MAST4: variants seen among roughly 807,000 people sequenced by gnomAD.
The protein encoded by MAST4 is microtubule associated serine/threonine kinase family member 4.
MAST4 carries 89 observed loss-of-function variants against 162.7 expected under a neutral mutation model. That is an observed-to-expected ratio of 0.55 (90% CI 0.46 to 0.65). The LOEUF is 0.65. MAST4 is among the 30% of genes least tolerant of loss of function. The pLI is 0.00. For missense variants in MAST4, 3,153 were observed against 3,374.0 expected (o/e 0.93, Z 1.62); for synonymous variants, 1,479 against 1,361.1 (o/e 1.09, Z -1.91).
At chr5:67,118,182 A>C (rs989828206) in intron 12 of MAST4, among the ~76,000 whole-genome samples, 1 of 152,192 alleles carries the variant, frequency 6.6e-6, no homozygotes. Flanking sequence ...AACCACCATT[A>C]TTACTTCCTC....
intron 5 of MAST4, among the ~76,000 whole-genome samples, chr5:67,070,529 A>G (rs1287044219): frequency 6.6e-6 from 1 of 152,190 alleles, no homozygotes; most frequent in Non-Finnish European, 1.5e-5. Context: ...GCTGACCTTT[A>G]TTTACTTCAG....
chr5:67,155,195 A>G lies in MAST4; in HGVS notation c.3648+1615A>G, dbSNP rs184242584. ...GGTCTTGTTTACCTTCACAACTTCA[A>G]AGTGAACCTGCTATGGGAGCACTAT... On this transcript the variant is annotated intron_variant, in intron 26 of 28. Coordinates refer to ENST00000403625, the MANE Select transcript of MAST4 (RefSeq NM_001164664.2). 1.4e-4 allele frequency among the ~76,000 whole-genome samples: 22 copies of G among 152,324 alleles called. No individual in the cohort carries two copies. In the East Asian group the frequency reaches 4.2e-3, roughly 29 times the overall value.
chr5:66,767,823 C>CT (rs1444393520), intron 2 of MAST4, among the ~76,000 whole-genome samples: 4 of 152,106 alleles, frequency 2.6e-5, no homozygotes, highest in African/African-American at 9.7e-5. Context: ...CCAGTCTTGT[C>CT]TTTTAATGTT....
chr5:66,936,665 T>A (rs898934713), intron 4 of MAST4, among the ~76,000 whole-genome samples: 1 of 152,192 alleles, frequency 6.6e-6, no homozygotes, highest in African/African-American at 2.4e-5. Flanking sequence ...TCTGGATGTG[T>A]ACATGCAGGT....
At chr5:66,741,289 C>T (rs1235691930) in intron 1 of MAST4, among the ~76,000 whole-genome samples, 1 of 152,208 alleles carries the variant, frequency 6.6e-6, no homozygotes, top group Non-Finnish European at 1.5e-5. Context: ...TCTTCACAGA[C>T]CTTATTACCA....
At chr5:66,820,021 T>A (rs1270283416) in intron 3 of MAST4, among the ~76,000 whole-genome samples, 1 of 151,108 alleles carries the variant, frequency 6.6e-6, no homozygotes, top group Non-Finnish European at 1.5e-5. Context: ...TTACAAACTA[T>A]GTTGCCCAGG....
In MAST4 at chr5:66,785,897, C is replaced by G. The variant is rs192279571; in HGVS notation, c.518-2773C>G. On this transcript the variant is annotated intron_variant, in intron 2 of 28. Coordinates refer to ENST00000403625, the MANE Select transcript of MAST4 (RefSeq NM_001164664.2). ...ATTATTTTATTTCTTGAGATAGTGT[C>G]TCACTCTGTCACCCAGGCTGGAGTG... 4.2e-3 allele frequency among the ~76,000 whole-genome samples: 639 copies of G among 152,254 alleles called. 2 individuals carry two copies. Among genetic ancestry groups the G allele is most frequent in the South Asian group, 0.013 (61 of 4,810 alleles).
chr5:66,819,554 C>T (rs1756891013), intron 3 of MAST4, among the ~76,000 whole-genome samples: 1 of 152,126 alleles, frequency 6.6e-6, no homozygotes. Context: ...AGAAAGAATG[C>T]TTGATTAATT....
chr5:67,041,893 G>A (rs1387937558), intron 4 of MAST4, among the ~76,000 whole-genome samples: 2 of 152,194 alleles, frequency 1.3e-5, no homozygotes, highest in African/African-American at 4.8e-5. Context: ...CTCCCAAAGT[G>A]CTGGGATTAC....
chr5:66,608,473 A>T (rs778030877), intron 1 of MAST4, among the ~76,000 whole-genome samples: 3 of 147,018 alleles, frequency 2.0e-5, no homozygotes, highest in Non-Finnish European at 4.4e-5. Flanking sequence ...CTTTCAGATA[A>T]TGCTTACATA....
chr5:67,149,589 G>A lies in MAST4; in HGVS notation c.3295G>A (p.Asp1099Asn), dbSNP rs1220647616. The A allele has an allele frequency of 6.2e-7, 1 of 1,613,280 alleles. No homozygotes were observed. Among genetic ancestry groups the A allele is most frequent in the South Asian group, 1.1e-5 (1 of 90,798 alleles). The part of the protein sequence containing the change: ...ASALSLMIPG[D>N]MFAVSPLGSP... Reference sequence around the variant, plus strand: ...TGCTCTTTCCCTCATGATCCCAGGAGGTAGAGAGATACTACTTGCATGAAA... The same window carrying A: ...TGCTCTTTCCCTCATGATCCCAGGAAGTAGAGAGATACTACTTGCATGAAA... Residue 1099 changes from aspartate (D) to asparagine (N), a missense_variant and splice_region_variant, in exon 24 of 29, where the codon GAT becomes AAT. Asp to Asn is a conservative substitution (Grantham distance 23). Around this residue, in one of 7 missense-constraint regions of MAST4, gnomAD observed 619 missense variants for 744.2 expected, o/e 0.83. Transcript: ENST00000403625.
At chr5:66,943,890 T>C (rs1490383275) in intron 4 of MAST4, among the ~76,000 whole-genome samples, 1 of 152,110 alleles carries the variant, frequency 6.6e-6, no homozygotes, top group African/African-American at 2.4e-5. Context: ...CAAGGTGTGT[T>C]TTGTATTCAC....
At chr5:66,894,861 G>A (rs1390835493) in intron 3 of MAST4, among the ~76,000 whole-genome samples, 2 of 152,154 alleles carry the variant, frequency 1.3e-5, no homozygotes, top group Admixed American at 6.5e-5. Flanking sequence ...CACTATACTA[G>A]TGAGGGAGCC....
chr5:67,130,621 C>T lies in MAST4; in HGVS notation c.1954+203C>T, dbSNP rs140353576. Among the ~76,000 whole-genome samples the T allele has an allele frequency of 2.7e-4, 41 of 152,202 alleles. No homozygotes were observed. In the South Asian group the frequency reaches 7.5e-3, roughly 28 times the overall value. ...TCTACTATAACAAAGAGAAAATTAG[C>T]GCTATCTGGAAAAAGGTTATCTTTT... On this transcript the variant is annotated intron_variant, in intron 15 of 28. Coordinates refer to ENST00000403625, the MANE Select transcript of MAST4 (RefSeq NM_001164664.2).
At chr5:66,682,729 T>G (rs1445644671) in intron 1 of MAST4, among the ~76,000 whole-genome samples, 3 of 152,134 alleles carry the variant, frequency 2.0e-5, no homozygotes, top group Non-Finnish European at 4.4e-5. Flanking sequence ...ACTGCATAAG[T>G]AAGTGAAGCA....
chr5:66,707,029 TG>T (rs11307591), intron 1 of MAST4, among the ~76,000 whole-genome samples: 15,113 of 152,212 alleles, frequency 0.099, 884 homozygotes, highest in Admixed American at 0.15. Flanking sequence ...AGCTTTGTGG[TG>T]GTCTTGGACA....
At position 67,121,026 on chromosome 5, in the gene MAST4, G is replaced by C; in HGVS notation, c.1669G>C (p.Ala557Pro). 6.2e-7 allele frequency: 1 copy of C among 1,609,632 alleles called. No homozygotes were observed. Among genetic ancestry groups the C allele is most frequent in the Non-Finnish European group, 8.5e-7 (1 of 1,177,758 alleles). The change falls in exon 14 of 29, where the codon GCC (alanine) becomes CCC (proline). Residue 557 changes from alanine to proline, a missense_variant. This residue lies in a region of MAST4 where 360 missense variants were observed against 450.0 expected (regional missense o/e 0.80). Transcript: ENST00000403625. ...ETDESVSSSN[A>P]SLKLRRKPRE... is the part of the protein sequence containing the mutation. Reference sequence around the variant, plus strand: ...ATATTTTGTTTCCAAGAGCTCTAATGCCTCCCTGAAACTTCGAAGGAAACC... The same window carrying C: ...ATATTTTGTTTCCAAGAGCTCTAATCCCTCCCTGAAACTTCGAAGGAAACC...
intron 4 of MAST4, among the ~76,000 whole-genome samples, chr5:67,006,230 A>C (rs148831201): frequency 4.7e-4 from 72 of 152,348 alleles, no homozygotes; most frequent in Non-Finnish European, 4.4e-5. Flanking sequence ...CAGGTTTCAA[A>C]GTCATATTTG....
intron 3 of MAST4, among the ~76,000 whole-genome samples, chr5:66,894,933 C>T (rs185230336): frequency 6.6e-6 from 1 of 152,042 alleles, no homozygotes; most frequent in African/African-American, 2.4e-5. Flanking sequence ...ATCATGTAAC[C>T]CTCACAGGAC....
Sources: gnomAD v4.1 joint callset for allele counts (sites outside exome capture counted in the v4.1 genomes callset) on GRCh38, gnomAD v4.1.1 for gene constraint, gnomAD v4.1.1 regional missense constraint, MANE v1.5 for transcripts, NCBI Gene and HGNC (gene_info 2026-07-23, HGNC 2026-07-21) for gene names.